Variants in SLC12A2 observed in about 807,000 individuals in gnomAD.
SLC12A2 encodes Na-K-2Cl cotransporter 1.
SLC12A2 carries 67 observed loss-of-function variants against 136.3 expected under a neutral mutation model. The ratio of observed to expected loss-of-function variants is 0.49; its 90% CI spans 0.40 to 0.60. The LOEUF (loss-of-function observed/expected upper bound fraction) is 0.60. SLC12A2 is among the 20% of genes least tolerant of loss of function. The pLI, the probability that SLC12A2 is intolerant of heterozygous loss-of-function variation, is 0.00. For synonymous variants in SLC12A2, 619 were observed against 562.9 expected (o/e 1.10, Z -1.41); for missense variants, 1,322 against 1,534.7 (o/e 0.86, Z 2.32).
chr5:128,083,886 A>G lies in SLC12A2; in HGVS notation c.-69A>G. 8.9e-7 allele frequency: 1 copy of G among 1,122,800 alleles called. No homozygotes were observed. Among genetic ancestry groups the G allele is most frequent in the East Asian group, 3.4e-5 (1 of 29,556 alleles). The allele number at this position is 1,122,800 out of a possible 1,614,324, so 69.6% of individuals were successfully genotyped here. ...CTTGCGGCTGTGGCCACCGCCGGCC[A>G]GGGGTGTGGAGGGCGTGCTGCCGGA... On this transcript the variant is annotated 5_prime_UTR_variant, in exon 1 of 27. Transcript: ENST00000262461.
intron 1 of SLC12A2, among the ~76,000 whole-genome samples, chr5:128,097,513 T>A (rs1410159616): frequency 6.6e-6 from 1 of 152,090 alleles, no homozygotes; most frequent in Non-Finnish European, 1.5e-5. Flanking sequence ...TTACCTGTTT[T>A]TTGTTTCTCG....
In SLC12A2 at chr5:128,178,561, C is replaced by T; in HGVS notation, c.2978-6C>T. On this transcript the variant is annotated splice_polypyrimidine_tract_variant and splice_region_variant and intron_variant, in intron 21 of 26. Transcript: ENST00000262461. ...CTTACATTTTATATTTTGCTTAATC[C>T]TTTAGAATCCAAAGGCCCTATTGTG... 1 of 1,551,098 alleles carries T rather than the reference C, an allele frequency of 6.4e-7. No individual in the cohort carries two copies. The highest frequency in any genetic ancestry group is 1.3e-5 in the South Asian group (1 of 79,774).
At chr5:128,116,892 A>G (rs1300206016) in intron 4 of SLC12A2, among the ~76,000 whole-genome samples, 1 of 152,098 alleles carries the variant, frequency 6.6e-6, no homozygotes, top group East Asian at 1.9e-4. Flanking sequence ...GAAACCCCTA[A>G]CATGGTTTAT....
At chr5:128,090,459 A>G (rs1431104225) in intron 1 of SLC12A2, among the ~76,000 whole-genome samples, 1 of 152,204 alleles carries the variant, frequency 6.6e-6, no homozygotes, top group South Asian at 2.1e-4. Flanking sequence ...GTATAGTCCT[A>G]TGCTGAAGTG....
intron 1 of SLC12A2, among the ~76,000 whole-genome samples, chr5:128,104,631 CA>C (rs563906164): frequency 7.3e-6 from 1 of 137,076 alleles, no homozygotes; most frequent in Non-Finnish European, 1.6e-5. Flanking sequence ...GACTCCATCT[CA>C]AAAAAAAGAA....
chr5:128,157,999 G>C, intron 15 of SLC12A2, 54 bp from the exon 16 acceptor site: 1 of 1,457,538 alleles, frequency 6.9e-7, no homozygotes, highest in Non-Finnish European at 9.5e-7. Flanking sequence ...TTAAAATCTT[G>C]TTGCCAGAAA....
chr5:128,098,178 C>T (rs543265686), intron 1 of SLC12A2, among the ~76,000 whole-genome samples: 1 of 152,142 alleles, frequency 6.6e-6, no homozygotes, highest in African/African-American at 2.4e-5. Context: ...TTTCTTGAAT[C>T]TGTACGTTGA....
chr5:128,168,723 T>C (rs1763280064), intron 18 of SLC12A2: 1 of 152,142 alleles, frequency 6.6e-6, no homozygotes, highest in African/African-American at 2.4e-5. Context: ...ATTCCTCACA[T>C]GCGCAGTTCA....
intron 16 of SLC12A2, among the ~76,000 whole-genome samples, chr5:128,158,666 G>C (rs1054627512): frequency 6.6e-6 from 1 of 152,112 alleles, no homozygotes; most frequent in South Asian, 2.1e-4. Context: ...ATGAACGTAC[G>C]CATGCATGTG....
intron 4 of SLC12A2, among the ~76,000 whole-genome samples, chr5:128,127,567 A>G (rs1226734216): frequency 6.6e-6 from 1 of 151,140 alleles, no homozygotes; most frequent in African/African-American, 2.4e-5. Flanking sequence ...ATCTCTGCCT[A>G]TAGTTTTTTT....
intron 4 of SLC12A2, among the ~76,000 whole-genome samples, chr5:128,128,655 G>A (rs893693081): frequency 5.3e-5 from 8 of 151,860 alleles, no homozygotes; most frequent in Non-Finnish European, 5.9e-5. Context: ...TAACCTCCCT[G>A]AGCTGTAATT....
At chr5:128,164,991 C>T (rs141975503) in intron 17 of SLC12A2, among the ~76,000 whole-genome samples, 119 of 151,718 alleles carry the variant, frequency 7.8e-4, no homozygotes, top group African/African-American at 2.5e-3. Context: ...CATAGGCGTG[C>T]GCTACCATGG....
At chr5:128,147,777 A>G (rs1207516283) in intron 11 of SLC12A2, 48 bp downstream of exon 11, 1 of 1,103,454 alleles carries the variant, frequency 9.1e-7, no homozygotes, top group African/African-American at 1.6e-5. Context: ...AGTTAAAGTA[A>G]TACTTCTCAA....
In SLC12A2 at chr5:128,148,841, T is replaced by G; in HGVS notation, c.1969T>G (p.Leu657Val). ...KNNEPLRGYILTFLIALGFIL... is the reference protein window; with the variant it reads ...KNNEPLRGYIVTFLIALGFIL... ...TAATGAACCTCTTCGTGGCTACATC[T>G]TAACATTCTTAATTGCACTTGGATT... Residue 657 changes from leucine to valine, a missense_variant, in exon 12 of 27, where the codon TTA (leucine) becomes GTA (valine). By Grantham distance (32) the Leu-to-Val change is conservative (BLOSUM62 1). Coordinates refer to ENST00000262461, the MANE Select transcript of SLC12A2 (RefSeq NM_001046.3). The G allele has an allele frequency of 6.2e-7, 1 of 1,604,384 alleles. No individual in the cohort carries two copies. The highest frequency in any genetic ancestry group is 8.5e-7 in the Non-Finnish European group (1 of 1,176,102).
Position 128,084,059 on chromosome 5 carries a change from C to A in SLC12A2, c.105C>A (p.Pro35=), listed in dbSNP as rs749899965. 36 of 1,305,560 alleles carry A rather than the reference C, an allele frequency of 2.8e-5. No individual in the cohort carries two copies. Among genetic ancestry groups the A allele is most frequent in the Non-Finnish European group, 3.5e-5 (36 of 1,030,694 alleles). The allele number at this position is 1,305,560 out of a possible 1,614,324, so 80.9% of individuals were successfully genotyped here. ...AALAAARVEL[P]GTAVPSVPED... Reference sequence around the variant, plus strand: ...TGGCCGCAGCCAGGGTGGAACTGCCCGGCACGGCTGTGCCCTCGGTGCCGG... The same window carrying A: ...TGGCCGCAGCCAGGGTGGAACTGCCAGGCACGGCTGTGCCCTCGGTGCCGG... Residue 35 remains proline (P), a synonymous_variant, in exon 1 of 27, where the codon CCC becomes CCA. Coordinates refer to ENST00000262461, the MANE Select transcript of SLC12A2 (RefSeq NM_001046.3). The surrounding 1 kb of genome is among the most constrained non-coding windows in gnomAD (Gnocchi z 5.6).
intron 17 of SLC12A2, among the ~76,000 whole-genome samples, chr5:128,163,661 CTA>C (rs1763113914): frequency 6.6e-6 from 1 of 152,014 alleles, no homozygotes. Flanking sequence ...TGAAGAGGAG[CTA>C]TATATATCAA....
intron 26 of SLC12A2, among the ~76,000 whole-genome samples, 191 bp from the exon 27 acceptor site, chr5:128,186,305 C>G (rs1486740594): frequency 6.6e-6 from 1 of 152,146 alleles, no homozygotes; most frequent in African/African-American, 2.4e-5. Context: ...AGAAATGCGT[C>G]TCCATCGCTA....
At chr5:128,104,410 T>C (rs1045776696) in intron 1 of SLC12A2, among the ~76,000 whole-genome samples, 4 of 152,214 alleles carry the variant, frequency 2.6e-5, no homozygotes, top group Non-Finnish European at 2.9e-5. Context: ...GGCGGGCAGA[T>C]CACTTGAGGT....
intron 11 of SLC12A2, 79 bp downstream of exon 11, chr5:128,147,808 C>A: frequency 1.2e-6 from 1 of 856,000 alleles, no homozygotes; most frequent in Admixed American, 2.1e-5. Flanking sequence ...TTGCTATTTT[C>A]AAATTATTTG....
Sources: allele counts gnomAD v4.1 joint callset (sites outside exome capture counted in the v4.1 genomes callset), GRCh38; gene constraint gnomAD v4.1.1; non-coding constraint Gnocchi (gnomAD v3.1); transcripts MANE v1.5; gene names NCBI Gene and HGNC (gene_info 2026-07-23, HGNC 2026-07-21).